The following CNTN3 variants were observed in gnomAD, a reference collection of about 807,000 sequenced individuals.
The protein encoded by CNTN3 is contactin-3.
Under a neutral mutation model 119.1 loss-of-function variants are expected in CNTN3, and 60 were observed. The ratio of observed to expected loss-of-function variants is 0.50; its 90% CI spans 0.41 to 0.62. The LOEUF is 0.62. Among genes scored for constraint, CNTN3 ranks in the 20% least tolerant of loss-of-function variants. The probability of loss-of-function intolerance (pLI) is 0.00; values close to 1 mark genes in which losing one functional copy is unlikely to be tolerated. For synonymous variants in CNTN3, 450 were observed against 438.7 expected, an observed-to-expected ratio of 1.03 and a Z score of -0.32; for missense variants, 1,101 against 1,242.4, an observed-to-expected ratio of 0.89 and a Z score of 1.71.
intron 13 of CNTN3, among the ~76,000 whole-genome samples, chr3:74,327,066 T>C (rs1188517837): frequency 1.3e-5 from 2 of 151,732 alleles, no homozygotes; most frequent in South Asian, 2.1e-4. Context: ...TGTATGTACA[T>C]TTCCTGGGAT....
At chr3:74,266,374 T>C in intron 22 of CNTN3, 107 bp downstream of exon 22, 1 of 1,187,966 alleles carries the variant, frequency 8.4e-7, no homozygotes, top group Non-Finnish European at 1.2e-6. Flanking sequence ...CATTTGGATG[T>C]AAGCCTTGCT....
intron 4 of CNTN3, among the ~76,000 whole-genome samples, chr3:74,442,255 C>A (rs1701980283): frequency 6.6e-6 from 1 of 151,966 alleles, no homozygotes; most frequent in Non-Finnish European, 1.5e-5. Flanking sequence ...ATAAATCAGT[C>A]TCTTCTCCTC....
Position 74,364,520 on chromosome 3 carries a change from A to G in CNTN3, c.1160T>C (p.Ile387Thr), listed in dbSNP as rs1157197354. The G allele has an allele frequency of 6.2e-7, 1 of 1,612,728 alleles. No individual in the cohort carries two copies. The highest frequency in any genetic ancestry group is 8.5e-7 in the Non-Finnish European group (1 of 1,179,024). The part of the protein sequence containing the change: ...SVTDSGMFQC[I>T]AENKHGLVYS... ...AACAAGGCCATGTTTGTTTTCTGCT[A>G]TGCATTGGAACATGCCAGAATCAGT... Residue 387 changes from isoleucine to threonine, a missense_variant, in exon 10 of 23, where the codon ATA (isoleucine) becomes ACA (threonine). Transcript: ENST00000263665.
intron 13 of CNTN3, among the ~76,000 whole-genome samples, chr3:74,306,170 T>C (rs967470142): frequency 4.5e-4 from 63 of 139,238 alleles, no homozygotes; most frequent in African/African-American, 1.4e-3. Flanking sequence ...AGAATATAGT[T>C]AGTCATGAAT....
intron 11 of CNTN3, among the ~76,000 whole-genome samples, chr3:74,359,740 A>G (rs996458212): frequency 5.3e-5 from 8 of 152,160 alleles, no homozygotes; most frequent in Non-Finnish European, 8.8e-5. Flanking sequence ...TACCTACTAT[A>G]TTTGCTACTA....
At chr3:74,437,599 A>G (rs1701890691) in intron 4 of CNTN3, among the ~76,000 whole-genome samples, 2 of 152,228 alleles carry the variant, frequency 1.3e-5, no homozygotes, top group African/African-American at 4.8e-5. Context: ...TTACAATACT[A>G]AAGTTTAAAA....
chr3:74,418,359 T>TTTTTTTTTTA (rs1701561183), intron 5 of CNTN3, among the ~76,000 whole-genome samples: 3 of 148,152 alleles, frequency 2.0e-5, no homozygotes, highest in Admixed American at 6.8e-5. Context: ...TTTTTTTTTT[T>TTTTTTTTTTA]GAGTCAGAGT....
At chr3:74,440,991 G>T (rs1389268943) in intron 4 of CNTN3, among the ~76,000 whole-genome samples, 3 of 151,956 alleles carry the variant, frequency 2.0e-5, no homozygotes, top group Admixed American at 2.0e-4. Flanking sequence ...AATCCCCCAT[G>T]GACACCTAAG....
At chr3:74,423,812 T>A (rs1486322979) in intron 5 of CNTN3, among the ~76,000 whole-genome samples, 1 of 152,122 alleles carries the variant, frequency 6.6e-6, no homozygotes, top group South Asian at 2.1e-4. Context: ...AAGCTCCAAG[T>A]CTGCAGTCTC....
chr3:74,420,105 GA>G (rs1392078428), intron 5 of CNTN3, among the ~76,000 whole-genome samples: 2 of 152,190 alleles, frequency 1.3e-5, no homozygotes, highest in Non-Finnish European at 2.9e-5. Flanking sequence ...GCTCTGCAGA[GA>G]AAGCAATGAC....
At chr3:74,316,404 C>T (rs1702831269) in intron 13 of CNTN3, among the ~76,000 whole-genome samples, 1 of 152,146 alleles carries the variant, frequency 6.6e-6, no homozygotes, top group South Asian at 2.1e-4. Context: ...TAAATTAGTA[C>T]AGGCATTGTG....
At chr3:74,608,170 G>C (rs1705023658) in intron 1 of CNTN3, among the ~76,000 whole-genome samples, 1 of 152,154 alleles carries the variant, frequency 6.6e-6, no homozygotes, top group African/African-American at 2.4e-5. Context: ...TCTTGTAAGG[G>C]CTAAGGTATC....
chr3:74,456,375 G>GA (rs2106961865), intron 4 of CNTN3, among the ~76,000 whole-genome samples: 1 of 152,162 alleles, frequency 6.6e-6, no homozygotes, highest in East Asian at 1.9e-4. Context: ...CATGAAATGT[G>GA]AAATCTAGGG....
intron 1 of CNTN3, among the ~76,000 whole-genome samples, chr3:74,565,322 C>A (rs1450522185): frequency 6.6e-6 from 1 of 152,118 alleles, no homozygotes; most frequent in Non-Finnish European, 1.5e-5. Flanking sequence ...ACAGTCCTTG[C>A]CTTGTGGCCC....
At chr3:74,548,624 G>C (rs912291292) in intron 1 of CNTN3, among the ~76,000 whole-genome samples, 5 of 151,908 alleles carry the variant, frequency 3.3e-5, no homozygotes, top group Admixed American at 3.3e-4. Flanking sequence ...GTCGCCAATA[G>C]GTTCTTGAAA....
In CNTN3 at chr3:74,369,944, T is replaced by A. The variant is rs762322111; in HGVS notation, c.706A>T (p.Thr236Ser). The A allele has an allele frequency of 6.2e-7, 1 of 1,608,526 alleles. No homozygotes were observed. The highest frequency in any genetic ancestry group is 8.5e-7 in the Non-Finnish European group (1 of 1,176,794). ...EPKIEVQFPETLPAAKGSTVK... is the reference protein window; with the variant it reads ...EPKIEVQFPESLPAAKGSTVK... ...GTCGAACCTTTAGCTGCTGGAAGAG[T>A]TTCTGGAAACTGAACTTCTATTTTA... The change falls in exon 7 of 23, where the codon ACT becomes TCT. Residue 236 changes from threonine (T) to serine (S), a missense_variant. Transcript: ENST00000263665.
chr3:74,578,586 T>G (rs573437930), intron 1 of CNTN3, among the ~76,000 whole-genome samples: 1 of 152,042 alleles, frequency 6.6e-6, no homozygotes. Flanking sequence ...TCAGAACTTA[T>G]AGTGGGCTAA....
At chr3:74,562,490 A>G (rs759692459) in intron 1 of CNTN3, among the ~76,000 whole-genome samples, 19 of 152,188 alleles carry the variant, frequency 1.2e-4, no homozygotes, top group Admixed American at 2.6e-4. Context: ...TGATTATTGA[A>G]AATAATTAAG....
chr3:74,464,849 T>C (rs1321330147), intron 4 of CNTN3, among the ~76,000 whole-genome samples: 1 of 152,190 alleles, frequency 6.6e-6, no homozygotes, highest in Non-Finnish European at 1.5e-5. Context: ...ATCCCCTAAA[T>C]GGGCAGTTAG....
Sources: gnomAD v4.1 joint callset for allele counts (sites outside exome capture counted in the v4.1 genomes callset) on GRCh38, gnomAD v4.1.1 for gene constraint, MANE v1.5 for transcripts, NCBI Gene and HGNC (gene_info 2026-07-23, HGNC 2026-07-21) for gene names.